Variants in MORN1 observed in about 807,000 individuals in gnomAD.
MORN1 encodes MORN repeat containing 1.
In MORN1, 67 loss-of-function variants were observed where a neutral mutation model predicts 61.9. The observed-to-expected ratio is 1.08, with a 90% CI of 0.89 to 1.33. MORN1 has a LOEUF of 1.33. MORN1 is among the 40% of genes most tolerant of loss of function. The pLI is 0.00. For synonymous variants in MORN1, 301 were observed against 292.0 expected, an observed-to-expected ratio of 1.03 and a Z score of -0.31; for missense variants, 752 against 691.2, an observed-to-expected ratio of 1.09 and a Z score of -0.99.
chr1:2,339,348 T>C (rs1171021174), intron 10 of MORN1, among the ~76,000 whole-genome samples: 1 of 152,178 alleles, frequency 6.6e-6, no homozygotes, highest in Non-Finnish European at 1.5e-5. Flanking sequence ...CGGTGGGGAC[T>C]GCCTGACCAT....
Position 2,321,548 on chromosome 1 carries a change from G to A in MORN1, c.1329C>T (p.Thr443=). 1 of 1,523,062 alleles carries A rather than the reference G, an allele frequency of 6.6e-7. No homozygotes were observed. The highest frequency in any genetic ancestry group is 8.8e-7 in the Non-Finnish European group (1 of 1,133,080). 94.3% of individuals were successfully genotyped at this position (1,523,062 alleles called of 1,614,324 possible). ...GEYVLMIRDV[T]TPPFLGRRLP... Reference sequence around the variant, plus strand: ...GCCTGCGCCCCAGGAACGGCGGGGTGGTCACGTCGCGGATCATGAGCACGT... The same window carrying A: ...GCCTGCGCCCCAGGAACGGCGGGGTAGTCACGTCGCGGATCATGAGCACGT... Residue 443 remains threonine (T), a synonymous_variant, in exon 14 of 14, where the codon ACC becomes ACT. Coordinates refer to ENST00000378531, the MANE Select transcript of MORN1 (RefSeq NM_024848.3).
At chr1:2,322,012 A>G (rs1452079231) in intron 13 of MORN1, 1 of 984,764 alleles carries the variant, frequency 1.0e-6, no homozygotes, top group Non-Finnish European at 1.2e-6. Context: ...AACTGTTTTT[A>G]AAAATAACGA....
At chr1:2,341,674 A>G (rs1641397523) in intron 10 of MORN1, among the ~76,000 whole-genome samples, 1 of 149,342 alleles carries the variant, frequency 6.7e-6, no homozygotes, top group African/African-American at 2.5e-5. Context: ...CTGGCCACAG[A>G]GCGAGACTCC....
chr1:2,345,897 A>C (rs1478398684), intron 10 of MORN1, among the ~76,000 whole-genome samples: 1 of 151,920 alleles, frequency 6.6e-6, no homozygotes, highest in Non-Finnish European at 1.5e-5. Context: ...CCGAGCTCAC[A>C]CGCCCCAGGC....
At position 2,335,839 on chromosome 1, in the gene MORN1, A is replaced by AGCCCGGCCCGGCCCG. The variant is rs534524869; in HGVS notation, c.1250+629_1250+630insCGGGCCGGGCCGGGC. Among the ~76,000 whole-genome samples, 194 of 150,082 alleles carry AGCCCGGCCCGGCCCG rather than the reference A, an allele frequency of 1.3e-3. 4 individuals are homozygous for AGCCCGGCCCGGCCCG. Among genetic ancestry groups the AGCCCGGCCCGGCCCG allele is most frequent in the African/African-American group, 4.3e-3 (171 of 39,464 alleles). On this transcript the variant is annotated intron_variant, in intron 12 of 13. Coordinates refer to ENST00000378531, the MANE Select transcript of MORN1 (RefSeq NM_024848.3). ...CCTCCTCGCCTCCATAGCCCAGCCC[A>AGCCCGGCCCGGCCCG]GCCCAGCGCGCAGCTGCCCCCAATT...
chr1:2,359,472 G>A (rs2645089), intron 8 of MORN1, among the ~76,000 whole-genome samples: 53,343 of 152,134 alleles, frequency 0.35, 10,139 homozygotes, highest in Admixed American at 0.47. Flanking sequence ...TGGAGGTGGC[G>A]GAGCTGGGTG....
chr1:2,380,084 C>T (rs968655118), intron 6 of MORN1, among the ~76,000 whole-genome samples: 1 of 152,184 alleles, frequency 6.6e-6, no homozygotes, highest in Admixed American at 6.5e-5. Context: ...GGAGCTGGCA[C>T]AGGCTCCAGC....
intron 6 of MORN1, chr1:2,378,585 G>A (rs1044485109): frequency 4.1e-6 from 1 of 246,582 alleles, no homozygotes; most frequent in African/African-American, 2.3e-5. Flanking sequence ...GGCAACTCCG[G>A]GAAAGCTGGC....
intron 8 of MORN1, among the ~76,000 whole-genome samples, chr1:2,366,586 C>A (rs1168770003): frequency 6.6e-6 from 1 of 152,112 alleles, no homozygotes; most frequent in African/African-American, 2.4e-5. Context: ...TACAGTGGTG[C>A]GATCTCAGCT....
intron 10 of MORN1, chr1:2,350,718 G>C (rs369235574): frequency 3.3e-5 from 5 of 152,458 alleles, no homozygotes; most frequent in African/African-American, 1.2e-4. Context: ...GTGCCCTCCA[G>C]GGCCTTCTGC....
chr1:2,347,326 C>T (rs1178700910), intron 10 of MORN1, among the ~76,000 whole-genome samples: 3 of 152,192 alleles, frequency 2.0e-5, no homozygotes, highest in African/African-American at 7.2e-5. Context: ...AAGGCTCCAT[C>T]CCCAGCTGCA....
chr1:2,332,377 C>T (rs953655675), intron 12 of MORN1: 82 of 345,626 alleles, frequency 2.4e-4, no homozygotes, highest in Non-Finnish European at 3.0e-4. Context: ...CTGTTGCTCA[C>T]GGACTCCAGC....
chr1:2,381,847 T>C (rs1642377719), intron 6 of MORN1, among the ~76,000 whole-genome samples: 1 of 152,146 alleles, frequency 6.6e-6, no homozygotes, highest in African/African-American at 2.4e-5. Context: ...GAATAAGCTC[T>C]GGGCTCCCGG....
chr1:2,325,116 T>C (rs79278737), intron 12 of MORN1, among the ~76,000 whole-genome samples: 2,012 of 61,520 alleles, frequency 0.033, 80 homozygotes, highest in East Asian at 0.18. Context: ...TTCCTTCCCT[T>C]CCTTCCCTTC....
chr1:2,385,509 A>G (rs1181553252), intron 5 of MORN1: 1 of 303,702 alleles, frequency 3.3e-6, no homozygotes, highest in Non-Finnish European at 5.9e-6. Flanking sequence ...CTGTGGTGCC[A>G]CTTTGCCGCC....
intron 10 of MORN1, among the ~76,000 whole-genome samples, chr1:2,356,219 T>C (rs1040630893): frequency 6.6e-6 from 1 of 151,940 alleles, no homozygotes; most frequent in Admixed American, 6.6e-5. Context: ...TGGGGCTGCA[T>C]GTGGTGGGAA....
intron 10 of MORN1, among the ~76,000 whole-genome samples, chr1:2,353,271 G>T (rs1016524873): frequency 3.9e-5 from 6 of 152,264 alleles, no homozygotes; most frequent in South Asian, 2.1e-4. Flanking sequence ...CCCTGGACAC[G>T]CTGGACAGCC....
chr1:2,339,948 C>A (rs943661027), intron 10 of MORN1, among the ~76,000 whole-genome samples: 10 of 152,260 alleles, frequency 6.6e-5, no homozygotes, highest in African/African-American at 2.4e-4. Context: ...CTGCTCAGGG[C>A]ACCCTCTGTG....
intron 13 of MORN1, chr1:2,323,888 C>G: frequency 1.0e-6 from 1 of 985,304 alleles, no homozygotes; most frequent in Non-Finnish European, 1.2e-6. Flanking sequence ...TCAAATCTTT[C>G]TGGACCGTCC....
Sources: gnomAD v4.1 joint callset for allele counts (sites outside exome capture counted in the v4.1 genomes callset) on GRCh38, gnomAD v4.1.1 for gene constraint, MANE v1.5 for transcripts, NCBI Gene and HGNC (gene_info 2026-07-23, HGNC 2026-07-21) for gene names.